MEF2D: variants seen among roughly 807,000 people sequenced by gnomAD.
The protein encoded by MEF2D is myocyte-specific enhancer factor 2D.
MEF2D carries 10 observed loss-of-function variants against 59.3 expected under a neutral mutation model. That is an observed-to-expected ratio of 0.17 (90% CI 0.10 to 0.29). The LOEUF (loss-of-function observed/expected upper bound fraction) is 0.29, where lower values mean the gene tolerates loss of function less well. MEF2D is among the 10% of genes least tolerant of loss of function. MEF2D has a pLI of 1.00. For synonymous variants in MEF2D, 305 were observed against 295.0 expected (o/e 1.03, Z -0.35); for missense variants, 508 against 699.4 (o/e 0.73, Z 3.09).
chr1:156,471,978 G>A (rs1038217537), intron 9 of MEF2D, among the ~76,000 whole-genome samples: 9 of 152,216 alleles, frequency 5.9e-5, no homozygotes, highest in Non-Finnish European at 1.0e-4. Context: ...TCATGCCAGA[G>A]TGACAGATGA....
At chr1:156,493,414 C>G (rs2102254607) in intron 1 of MEF2D, among the ~76,000 whole-genome samples, 1 of 152,244 alleles carries the variant, frequency 6.6e-6, no homozygotes, top group East Asian at 1.9e-4. Context: ...AAGGACAGTC[C>G]TCTAAGCCCC....
intron 1 of MEF2D, among the ~76,000 whole-genome samples, chr1:156,491,874 C>T (rs538913878): frequency 3.9e-5 from 6 of 152,352 alleles, no homozygotes; most frequent in African/African-American, 1.2e-4. Flanking sequence ...ACCCAGGATC[C>T]GTAGGCACTT....
chr1:156,470,682 G>A (rs762798661), intron 9 of MEF2D, among the ~76,000 whole-genome samples: 1 of 152,188 alleles, frequency 6.6e-6, no homozygotes, highest in Non-Finnish European at 1.5e-5. Flanking sequence ...ATGTGACCTT[G>A]GGTAAGTTAC....
intron 4 of MEF2D, 36 bp from the exon 5 acceptor site, chr1:156,479,832 G>T: frequency 6.5e-7 from 1 of 1,544,072 alleles, no homozygotes; most frequent in South Asian, 1.2e-5. Flanking sequence ...ATCAGGCCAG[G>T]TTGACCCCTT....
At position 156,468,004 on chromosome 1, in the gene MEF2D, G is replaced by A. The variant is rs1351674018; in HGVS notation, c.1543C>T (p.Leu515Phe). Reference protein sequence around the residue: ...AEGSAVKRMRLDTWTLK With the variant: ...AEGSAVKRMRFDTWTLK ...TGATGCTACAGTACCCAGGTATCAAGCCGCATCCTCTTCACAGCTGAGCCC... is the reference window on the plus strand; with the variant it reads ...TGATGCTACAGTACCCAGGTATCAAACCGCATCCTCTTCACAGCTGAGCCC... Residue 515 changes from leucine to phenylalanine, a missense_variant, in exon 11 of 12, where the codon CTT becomes TTT. Physicochemically the swap from Leu to Phe is conservative, Grantham distance 22. This residue lies in a region of MEF2D where 481 missense variants were observed against 584.7 expected (regional missense o/e 0.82). Transcript: ENST00000348159. The surrounding 1 kb of genome is among the most constrained non-coding windows in gnomAD (Gnocchi z 4.3). The A allele has an allele frequency of 6.2e-7, 1 of 1,612,284 alleles. No individual in the cohort carries two copies. Among genetic ancestry groups the A allele is most frequent in the South Asian group, 1.1e-5 (1 of 90,906 alleles).
rs770462097 is a variant in MEF2D, at chr1:156,482,595, C to G, written c.100G>C (p.Glu34Gln). The change falls in exon 3 of 12, where the codon GAG becomes CAG. Residue 34 changes from glutamate to glutamine, a missense_variant. Glu to Gln is a conservative substitution (Grantham distance 29). Coordinates refer to ENST00000348159, the MANE Select transcript of MEF2D (RefSeq NM_005920.4). ...RKFGLMKKAY[E>Q]LSVLCDCEIA... is the part of the protein sequence containing the mutation. ...TCGCAGTCACATAGCACGCTCAGCT[C>G]ATACGCCTTCTTCATCAGGCCAAAC... 1 of 1,614,222 alleles carries G rather than the reference C, an allele frequency of 6.2e-7. No homozygotes were observed.
intron 4 of MEF2D, 148 bp downstream of exon 4, chr1:156,480,682 GTCTA>G: frequency 6.3e-7 from 1 of 1,579,044 alleles, no homozygotes; most frequent in Non-Finnish European, 8.6e-7. Context: ...CAAACTCCTC[GTCTA>G]TCTTTTTATA....
intron 1 of MEF2D, among the ~76,000 whole-genome samples, chr1:156,494,891 G>A (rs1673038775): frequency 6.6e-6 from 1 of 152,134 alleles, no homozygotes; most frequent in South Asian, 2.1e-4. Context: ...TCCCTCCACC[G>A]GGGAGTTCTA....
intron 6 of MEF2D, 76 bp from the exon 7 acceptor site, chr1:156,477,278 A>AT: frequency 7.8e-7 from 1 of 1,281,592 alleles, no homozygotes; most frequent in Non-Finnish European, 1.1e-6. Context: ...CCCCACACCA[A>AT]TACTCCTGTT....
At chr1:156,478,600 A>G (rs1183625838) in intron 6 of MEF2D, among the ~76,000 whole-genome samples, 1 of 152,082 alleles carries the variant, frequency 6.6e-6, no homozygotes, top group Non-Finnish European at 1.5e-5. Context: ...GCATGATCTC[A>G]GTTCACCACA....
chr1:156,486,897 A>G (rs1672407583), intron 1 of MEF2D, among the ~76,000 whole-genome samples: 1 of 152,178 alleles, frequency 6.6e-6, no homozygotes, highest in Non-Finnish European at 1.5e-5. Context: ...CTAACCTCCA[A>G]CAGTCTTGCT....
chr1:156,467,885 G>T, intron 11 of MEF2D, 108 bp downstream of exon 11: 1 of 1,405,884 alleles, frequency 7.1e-7, no homozygotes, highest in Non-Finnish European at 9.7e-7. Flanking sequence ...GGAAGGGGTA[G>T]CCGGCCACAA....
chr1:156,470,172 T>C (rs1267309472), intron 9 of MEF2D, among the ~76,000 whole-genome samples: 4 of 152,264 alleles, frequency 2.6e-5, no homozygotes, highest in Non-Finnish European at 5.9e-5. Context: ...TATTGTTTCA[T>C]GCTGTATCCT....
intron 4 of MEF2D, chr1:156,480,618 G>T: frequency 6.5e-7 from 1 of 1,535,248 alleles, no homozygotes; most frequent in Non-Finnish European, 8.8e-7. Context: ...ACCACAGGGA[G>T]GCTCTGCTCC....
chr1:156,467,965 G>A, intron 11 of MEF2D, 28 bp downstream of exon 11: 4 of 1,591,638 alleles, frequency 2.5e-6, no homozygotes, highest in Non-Finnish European at 3.4e-6. Context: ...GCAGACACTG[G>A]CAGACAGGAG....
At position 156,476,632 on chromosome 1, in the gene MEF2D, C is replaced by G. The variant is rs559548570; in HGVS notation, c.856-118G>C. The G allele has an allele frequency of 2.3e-6, 3 of 1,281,886 alleles. No individual in the cohort carries two copies. The South Asian group carries it at 3.8e-5, about 16-fold the overall frequency. 79.4% of individuals were successfully genotyped at this position (1,281,886 alleles called of 1,614,324 possible). A position where few individuals can be genotyped will look rare whatever the true frequency, so the allele number is the denominator to read the frequency against. On this transcript the variant is annotated intron_variant, in intron 7 of 11. Coordinates refer to ENST00000348159, the MANE Select transcript of MEF2D (RefSeq NM_005920.4). ...TGCATAAGAGTAGGGTGGCTCTACC[C>G]AGCCTACAAAGGCAGAGCTCTCCAC...
At chr1:156,494,125 CA>C (rs1239613534) in intron 1 of MEF2D, among the ~76,000 whole-genome samples, 4 of 152,112 alleles carry the variant, frequency 2.6e-5, no homozygotes, top group African/African-American at 7.2e-5. Flanking sequence ...CATCCCTCAC[CA>C]AAAGCACAAT....
Position 156,467,073 on chromosome 1 carries a change from T to C in MEF2D, c.*572A>G, listed in dbSNP as rs1670894026. 1 of 152,668 alleles carries C rather than the reference T, an allele frequency of 6.6e-6. No individual in the cohort carries two copies. The highest frequency in any genetic ancestry group is 2.4e-5 in the African/African-American group (1 of 41,452). The allele number at this position is 152,668 out of a possible 1,614,324, so 9.5% of individuals were successfully genotyped here. A position where few individuals can be genotyped will look rare whatever the true frequency, so the allele number is the denominator to read the frequency against. On this transcript the variant is annotated 3_prime_UTR_variant, in exon 12 of 12. Coordinates refer to ENST00000348159, the MANE Select transcript of MEF2D (RefSeq NM_005920.4). ...GGGGCATTTGGGGGCCAGGCTTAAGTATTCTGCTCCATGTGCCTATGGCTA... is the reference window on the plus strand; with the variant it reads ...GGGGCATTTGGGGGCCAGGCTTAAGCATTCTGCTCCATGTGCCTATGGCTA...
At chr1:156,477,296 A>T in intron 6 of MEF2D, 94 bp from the exon 7 acceptor site, 1 of 1,125,320 alleles carries the variant, frequency 8.9e-7, no homozygotes. Flanking sequence ...GTTACCCGGA[A>T]CCTCTCAAAG....
Sources: allele counts gnomAD v4.1 joint callset (sites outside exome capture counted in the v4.1 genomes callset), GRCh38; gene constraint gnomAD v4.1.1; regional missense constraint gnomAD v4.1.1; non-coding constraint Gnocchi (gnomAD v3.1); transcripts MANE v1.5; gene names NCBI Gene and HGNC (gene_info 2026-07-23, HGNC 2026-07-21).